Variants in MACROD2 observed in about 807,000 individuals in gnomAD.
The protein encoded by MACROD2 is ADP-ribose glycohydrolase MACROD2.
Under a neutral mutation model 70.4 loss-of-function variants are expected in MACROD2, and 36 were observed. The observed-to-expected ratio is 0.51, with a 90% CI of 0.39 to 0.68. The LOEUF (loss-of-function observed/expected upper bound fraction) is 0.68, where lower values mean the gene tolerates loss of function less well. Ranked by LOEUF, MACROD2 falls within the 30% of genes least tolerant of loss-of-function variation. MACROD2 has a pLI of 0.00. For synonymous variants in MACROD2, 172 were observed against 178.8 expected, an observed-to-expected ratio of 0.96 and a Z score of 0.30; for missense variants, 496 against 538.4, an observed-to-expected ratio of 0.92 and a Z score of 0.78.
chr20:14,855,194 GA>G (rs2054509475), intron 5 of MACROD2, among the ~76,000 whole-genome samples: 1 of 152,076 alleles, frequency 6.6e-6, no homozygotes, highest in African/African-American at 2.4e-5. Flanking sequence ...TTAAACTTGG[GA>G]AGACTTCTTT....
At chr20:14,247,317 C>T (rs1004885384) in intron 3 of MACROD2, among the ~76,000 whole-genome samples, 1 of 152,130 alleles carries the variant, frequency 6.6e-6, no homozygotes, top group African/African-American at 2.4e-5. Context: ...GGAAAGATGC[C>T]TTCTTATGCC....
chr20:15,287,062 G>A (rs971533814), intron 6 of MACROD2, among the ~76,000 whole-genome samples: 2 of 152,178 alleles, frequency 1.3e-5, no homozygotes, highest in Admixed American at 1.3e-4. Flanking sequence ...AATGAAATGT[G>A]AAGCAGTTCT....
chr20:14,227,548 A>G (rs570655294), intron 3 of MACROD2, among the ~76,000 whole-genome samples: 183 of 152,282 alleles, frequency 1.2e-3, no homozygotes, highest in Non-Finnish European at 2.2e-3. Context: ...CAGCGAGACC[A>G]TGCACCCACC....
chr20:14,010,506 G>A lies in MACROD2; in HGVS notation c.163+8102G>A, dbSNP rs867857674. 3.2e-4 allele frequency among the ~76,000 whole-genome samples: 48 copies of A among 152,056 alleles called. 1 individual carries two copies. Among genetic ancestry groups the A allele is most frequent in the African/African-American group, 1.1e-3 (47 of 41,414 alleles). On this transcript the variant is annotated intron_variant, in intron 2 of 17. Coordinates refer to ENST00000684519, the MANE Select transcript of MACROD2 (RefSeq NM_001351661.2). ...CCTTTTCATTTCTCTAAAAATGTAT[G>A]GTACCAATGCTTTAATCTTTTTTCC...
At chr20:15,233,816 C>T (rs1263484440) in intron 6 of MACROD2, among the ~76,000 whole-genome samples, 3 of 150,508 alleles carry the variant, frequency 2.0e-5, no homozygotes, top group Non-Finnish European at 4.4e-5. Context: ...TACCGTAAAT[C>T]GTTTCAATTG....
At chr20:14,749,233 A>G (rs137952364) in intron 5 of MACROD2, among the ~76,000 whole-genome samples, 61 of 152,206 alleles carry the variant, frequency 4.0e-4, no homozygotes, top group African/African-American at 1.1e-3. Context: ...GTCATATGCT[A>G]TGTAATGAAA....
chr20:15,708,801 G>T (rs113562034), intron 8 of MACROD2, among the ~76,000 whole-genome samples: 2 of 151,990 alleles, frequency 1.3e-5, no homozygotes, highest in East Asian at 3.9e-4. Context: ...GAGGCAGGAG[G>T]ATTGTTTAAG....
At chr20:14,520,783 C>A (rs1057408958) in intron 4 of MACROD2, among the ~76,000 whole-genome samples, 10 of 152,112 alleles carry the variant, frequency 6.6e-5, no homozygotes, top group Non-Finnish European at 1.0e-4. Context: ...TAATGATAGG[C>A]TTTTACTTTG....
At chr20:15,708,633 G>A (rs916706304) in intron 8 of MACROD2, among the ~76,000 whole-genome samples, 1 of 140,794 alleles carries the variant, frequency 7.1e-6, no homozygotes. Context: ...TCAGCACTTT[G>A]GGAGCGAGGC....
Position 14,882,697 on chromosome 20 carries a change from G to A in MACROD2, c.418+197738G>A, listed in dbSNP as rs570968730. On this transcript the variant is annotated intron_variant, in intron 5 of 17. Coordinates refer to ENST00000684519, the MANE Select transcript of MACROD2 (RefSeq NM_001351661.2). ...AAAGAAGCAGAAAGGCGTTCAGACC[G>A]TTAAGTTGAATAGATCAGAGTACGG... Among the ~76,000 whole-genome samples the A allele has an allele frequency of 3.8e-4, 58 of 152,280 alleles. No homozygotes were observed. The South Asian group carries it at 9.9e-3, about 26-fold the overall frequency.
chr20:15,632,717 G>T (rs1409520647), intron 8 of MACROD2, among the ~76,000 whole-genome samples: 2 of 152,150 alleles, frequency 1.3e-5, no homozygotes, highest in East Asian at 3.8e-4. Context: ...AATGGGGTCT[G>T]TCTTAGTAAT....
intron 3 of MACROD2, among the ~76,000 whole-genome samples, chr20:14,441,923 A>G (rs976588004): frequency 1.3e-5 from 2 of 151,824 alleles, no homozygotes; most frequent in African/African-American, 2.4e-5. Context: ...AGAAAGTCAC[A>G]TAATGAAGCA....
chr20:15,939,573 A>G (rs577147190), intron 12 of MACROD2, among the ~76,000 whole-genome samples: 22 of 151,998 alleles, frequency 1.4e-4, no homozygotes, highest in Non-Finnish European at 2.6e-4. Context: ...GTCTTCCGAG[A>G]GTTCCGACAA....
Position 15,578,843 on chromosome 20 carries a change from C to G in MACROD2, c.645+78996C>G, listed in dbSNP as rs146703953. Among the ~76,000 whole-genome samples the G allele has an allele frequency of 6.8e-3, 1,038 of 152,142 alleles. 14 individuals are homozygous for G. The highest frequency in any genetic ancestry group is 0.024 in the African/African-American group (997 of 41,486). On this transcript the variant is annotated intron_variant, in intron 8 of 17. Transcript: ENST00000684519. ...TAAAACTGAAAAAATATAAAACAAA[C>G]AGTATAACATTAATCTTATTTGTGG...
chr20:14,905,034 A>G (rs2073942162), intron 5 of MACROD2: 2 of 152,188 alleles, frequency 1.3e-5, no homozygotes, highest in Non-Finnish European at 2.9e-5. Context: ...GATGGTGGGC[A>G]CAAAAATTAC....
intron 6 of MACROD2, among the ~76,000 whole-genome samples, chr20:15,244,729 A>T (rs913274568): frequency 6.6e-6 from 1 of 152,190 alleles, no homozygotes; most frequent in African/African-American, 2.4e-5. Flanking sequence ...ATTTTACCTA[A>T]CTAAACCCTA....
At chr20:14,699,392 A>G (rs2123630958) in intron 5 of MACROD2, among the ~76,000 whole-genome samples, 1 of 152,258 alleles carries the variant, frequency 6.6e-6, no homozygotes, top group Admixed American at 6.5e-5. Flanking sequence ...AACTGTTCAG[A>G]TTTTATGGGA....
chr20:15,711,897 A>G (rs779925693), intron 8 of MACROD2, among the ~76,000 whole-genome samples: 3 of 152,206 alleles, frequency 2.0e-5, no homozygotes, highest in Non-Finnish European at 4.4e-5. Context: ...TCTAAATAAC[A>G]TTAGCATGTT....
intron 5 of MACROD2, among the ~76,000 whole-genome samples, chr20:14,759,216 T>C (rs2071983247): frequency 6.6e-6 from 1 of 152,104 alleles, no homozygotes; most frequent in African/African-American, 2.4e-5. Context: ...AAACTAGACA[T>C]TGGGAAGGTC....
Sources: gnomAD v4.1 joint callset for allele counts (sites outside exome capture counted in the v4.1 genomes callset) on GRCh38, gnomAD v4.1.1 for gene constraint, MANE v1.5 for transcripts, NCBI Gene and HGNC (gene_info 2026-07-23, HGNC 2026-07-21) for gene names.